The following EYS variants were observed in gnomAD, a reference collection of about 807,000 sequenced individuals.
The protein encoded by EYS is EGF-like photoreceptor maintenance factor, also known as protein eyes shut homolog.
EYS carries 250 observed loss-of-function variants against 282.1 expected under a neutral mutation model. That is an observed-to-expected ratio of 0.89 (90% CI 0.80 to 0.98). The LOEUF (loss-of-function observed/expected upper bound fraction) is 0.98. Ranked by LOEUF, EYS falls within the 50% of genes least tolerant of loss-of-function variation. The pLI is 0.00. For missense variants in EYS, 4,016 were observed against 3,709.0 expected (o/e 1.08, Z -2.15); for synonymous variants, 1,355 against 1,282.9 (o/e 1.06, Z -1.20).
At chr6:64,055,756 ACTC>A (rs1235630788) in intron 33 of EYS, among the ~76,000 whole-genome samples, 1 of 151,978 alleles carries the variant, frequency 6.6e-6, no homozygotes, top group Non-Finnish European at 1.5e-5. Flanking sequence ...TCTTTGGGTC[ACTC>A]CTCGTAAGAA....
chr6:65,629,153 G>C (rs1766823449), intron 2 of EYS, among the ~76,000 whole-genome samples: 1 of 152,172 alleles, frequency 6.6e-6, no homozygotes, highest in Admixed American at 6.5e-5. Flanking sequence ...AAGGAAATGA[G>C]ACTGAAGGTA....
At chr6:65,283,186 A>C (rs977239560) in intron 12 of EYS, among the ~76,000 whole-genome samples, 6 of 151,894 alleles carry the variant, frequency 4.0e-5, no homozygotes, top group Non-Finnish European at 8.8e-5. Flanking sequence ...GTTAGTTAAT[A>C]TTTTTCCTAT....
chr6:65,597,423 A>G (rs1343713092), intron 2 of EYS, among the ~76,000 whole-genome samples: 6 of 151,956 alleles, frequency 3.9e-5, no homozygotes, highest in African/African-American at 1.5e-4. Flanking sequence ...ACCTTTAGCC[A>G]CTCCCAGTGT....
intron 26 of EYS, among the ~76,000 whole-genome samples, chr6:64,446,221 A>G (rs1032266920): frequency 2.6e-5 from 4 of 152,180 alleles, no homozygotes; most frequent in African/African-American, 7.2e-5. Context: ...TAATTATTTA[A>G]GTTTTCAGTA....
At chr6:65,639,249 A>G (rs1185093018) in intron 2 of EYS, among the ~76,000 whole-genome samples, 2 of 152,180 alleles carry the variant, frequency 1.3e-5, no homozygotes, top group Non-Finnish European at 2.9e-5. Context: ...CAGTGGAAGG[A>G]GGAGTAGAGA....
intron 31 of EYS, among the ~76,000 whole-genome samples, chr6:64,109,443 TATAAA>T (rs1337447466): frequency 1.3e-5 from 2 of 152,064 alleles, no homozygotes; most frequent in African/African-American, 4.8e-5. Context: ...TTCTATGTAA[TATAAA>T]ATAATTTTTA....
At chr6:65,632,078 G>C (rs1766933105) in intron 2 of EYS, among the ~76,000 whole-genome samples, 1 of 152,040 alleles carries the variant, frequency 6.6e-6, no homozygotes, top group African/African-American at 2.4e-5. Flanking sequence ...ATTCAAACTT[G>C]CCACAGAGCC....
At chr6:64,268,891 G>A (rs1406981499) in intron 30 of EYS, among the ~76,000 whole-genome samples, 5 of 152,072 alleles carry the variant, frequency 3.3e-5, no homozygotes, top group Admixed American at 2.6e-4. Context: ...GATAAATGCT[G>A]TTCATTGCCC....
At chr6:65,539,872 T>C (rs1443750403) in intron 2 of EYS, among the ~76,000 whole-genome samples, 3 of 152,172 alleles carry the variant, frequency 2.0e-5, no homozygotes, top group Non-Finnish European at 2.9e-5. Flanking sequence ...ACACCTTCTG[T>C]CATGCATTTC....
intron 26 of EYS, among the ~76,000 whole-genome samples, chr6:64,486,677 T>C (rs1242255768): frequency 6.6e-6 from 1 of 151,320 alleles, no homozygotes; most frequent in Non-Finnish European, 1.5e-5. Flanking sequence ...TTCCACATGA[T>C]CAATTCTGGA....
intron 22 of EYS, among the ~76,000 whole-genome samples, chr6:64,746,637 A>G (rs541089181): frequency 6.6e-6 from 1 of 152,334 alleles, no homozygotes; most frequent in East Asian, 1.9e-4. Flanking sequence ...TCTAGTATCC[A>G]TCATGTTGTT....
intron 31 of EYS, among the ~76,000 whole-genome samples, chr6:64,143,653 C>A (rs570135521): frequency 1.3e-5 from 2 of 152,288 alleles, no homozygotes; most frequent in East Asian, 3.9e-4. Context: ...TCTCTCCAGA[C>A]CCTGTCCCCA....
At chr6:65,280,299 A>ACG (rs1768180880) in intron 12 of EYS, among the ~76,000 whole-genome samples, 2 of 152,160 alleles carry the variant, frequency 1.3e-5, no homozygotes, top group Admixed American at 1.3e-4. Context: ...CCAGCACTGT[A>ACG]CAACTACTGA....
At chr6:64,770,835 G>A (rs919861000) in intron 22 of EYS, among the ~76,000 whole-genome samples, 2 of 151,770 alleles carry the variant, frequency 1.3e-5, no homozygotes, top group African/African-American at 2.4e-5. Flanking sequence ...TGACATTAGA[G>A]CCCGTCTTTG....
chr6:65,544,433 T>C (rs5001652), intron 2 of EYS, among the ~76,000 whole-genome samples: 14,557 of 152,196 alleles, frequency 0.096, 907 homozygotes, highest in South Asian at 0.19. Flanking sequence ...TCTTCATTTG[T>C]AGTTCCAGTT....
At chr6:64,907,058 T>A (rs1290190117) in intron 16 of EYS, among the ~76,000 whole-genome samples, 5 of 152,086 alleles carry the variant, frequency 3.3e-5, no homozygotes, top group Non-Finnish European at 7.4e-5. Flanking sequence ...ATTATTATTA[T>A]TTTTTATTAT....
intron 19 of EYS, among the ~76,000 whole-genome samples, chr6:64,878,901 G>A: frequency 6.6e-6 from 1 of 152,012 alleles, no homozygotes; most frequent in East Asian, 1.9e-4. Flanking sequence ...CTTTCCTGCT[G>A]CAACTTCTAT....
At chr6:64,573,565 C>T (rs1169093468) in intron 26 of EYS, among the ~76,000 whole-genome samples, 1 of 152,038 alleles carries the variant, frequency 6.6e-6, no homozygotes, top group Non-Finnish European at 1.5e-5. Context: ...CTACAAGAAA[C>T]TTAAACAAAT....
chr6:63,806,488 A>G, intron 36 of EYS, 116 bp from the exon 37 acceptor site: 1 of 869,372 alleles, frequency 1.2e-6, no homozygotes, highest in Non-Finnish European at 1.7e-6. Flanking sequence ...TACATTAATT[A>G]TACTTTAGTG....
Sources: gnomAD v4.1 joint callset for allele counts (sites outside exome capture counted in the v4.1 genomes callset) on GRCh38, gnomAD v4.1.1 for gene constraint, MANE v1.5 for transcripts, NCBI Gene and HGNC (gene_info 2026-07-23, HGNC 2026-07-21) for gene names.